EFNA5: variants seen among roughly 807,000 people sequenced by gnomAD.
EFNA5 encodes ephrin-A5.
A neutral mutation model predicts 22.9 loss-of-function variants in EFNA5; 5 were observed. That is an observed-to-expected ratio of 0.22 (90% confidence interval 0.11 to 0.46). EFNA5 has a LOEUF of 0.46. EFNA5 is among the 20% of genes least tolerant of loss of function. The pLI is 0.99. For synonymous variants in EFNA5, 113 were observed against 112.2 expected (o/e 1.01, Z -0.04); for missense variants, 237 against 293.3 (o/e 0.81, Z 1.40).
intron 1 of EFNA5, among the ~76,000 whole-genome samples, chr5:107,444,640 T>C (rs1234119586): frequency 1.3e-5 from 2 of 152,330 alleles, no homozygotes; most frequent in East Asian, 1.9e-4. Context: ...GAAATTAAAA[T>C]AGAAGCGCAA....
rs1580441214 is a variant in EFNA5 at position 107,422,581 on chromosome 5, G to T, written c.418+4636C>A. On this transcript the variant is annotated intron_variant, in intron 2 of 4. Coordinates refer to ENST00000333274, the MANE Select transcript of EFNA5 (RefSeq NM_001962.3). The stretch of plus-strand genomic sequence containing the variant: ...GAAGCCCAGGTAGAGGGACAATAAA[G>T]TCCCCAGGTCCCGATGTAGGAGTGT... Among the ~76,000 whole-genome samples the T allele has an allele frequency of 2.0e-5, 3 of 152,210 alleles. No individual in the cohort carries two copies. The South Asian group carries it at 6.2e-4, about 31-fold the overall frequency.
At chr5:107,430,774 C>CTTTTTTTTTTT (rs869266799) in intron 1 of EFNA5, among the ~76,000 whole-genome samples, 3 of 20,292 alleles carry the variant, frequency 1.5e-4, no homozygotes, top group African/African-American at 2.6e-4. Flanking sequence ...TTCTTTCTTT[C>CTTTTTTTTTTT]TTTTTTTTTT....
chr5:107,391,833 G>A (rs960413097), intron 2 of EFNA5, among the ~76,000 whole-genome samples: 15 of 152,134 alleles, frequency 9.9e-5, no homozygotes, highest in Non-Finnish European at 1.3e-4. Context: ...TGAAATACAA[G>A]CTGGAGACTC....
chr5:107,517,877 C>T (rs1316762289), intron 1 of EFNA5, among the ~76,000 whole-genome samples: 1 of 152,150 alleles, frequency 6.6e-6, no homozygotes, highest in Non-Finnish European at 1.5e-5. Context: ...TTTTTGTCTA[C>T]TCAATTGTCA....
At chr5:107,601,085 T>C (rs1345420766) in intron 1 of EFNA5, among the ~76,000 whole-genome samples, 2 of 152,158 alleles carry the variant, frequency 1.3e-5, no homozygotes, top group African/African-American at 4.8e-5. Context: ...GAACTCATCA[T>C]CCCTAGATGA....
At chr5:107,411,097 G>A (rs1036115278) in intron 2 of EFNA5, among the ~76,000 whole-genome samples, 1 of 152,072 alleles carries the variant, frequency 6.6e-6, no homozygotes, top group African/African-American at 2.4e-5. Context: ...AAAAATATAA[G>A]AGTACTAGAT....
In EFNA5 at chr5:107,380,730, T is replaced by G; in HGVS notation, c.*525A>C. 1 of 399,278 alleles carries G rather than the reference T, an allele frequency of 2.5e-6. No individual in the cohort carries two copies. The highest frequency in any genetic ancestry group is 4.4e-6 in the Non-Finnish European group (1 of 226,542). 24.7% of individuals were successfully genotyped at this position (399,278 alleles called of 1,614,324 possible). On this transcript the variant is annotated 3_prime_UTR_variant, in exon 5 of 5. Transcript: ENST00000333274. ...ATAGGAAATGGTGTAATATCGTATC[T>G]ATTCTTAATACCTCCCCTCCGGACC...
intron 1 of EFNA5, among the ~76,000 whole-genome samples, chr5:107,669,195 G>A (rs764161424): frequency 2.0e-5 from 3 of 151,966 alleles, no homozygotes; most frequent in Non-Finnish European, 4.4e-5. Flanking sequence ...AGGGCCCGCA[G>A]GAGATAGAAA....
intron 1 of EFNA5, among the ~76,000 whole-genome samples, chr5:107,565,018 G>A (rs975967250): frequency 2.0e-5 from 3 of 152,104 alleles, no homozygotes; most frequent in South Asian, 2.1e-4. Flanking sequence ...TCTAGCAAAC[G>A]TGAAGACCAA....
intron 1 of EFNA5, among the ~76,000 whole-genome samples, chr5:107,522,698 A>G (rs1454685577): frequency 6.6e-6 from 1 of 152,074 alleles, no homozygotes; most frequent in Non-Finnish European, 1.5e-5. Context: ...GCCTCTTTCT[A>G]ATTTTTCTGG....
intron 1 of EFNA5, among the ~76,000 whole-genome samples, chr5:107,655,697 C>T (rs1750805738): frequency 6.6e-6 from 1 of 152,082 alleles, no homozygotes; most frequent in African/African-American, 2.4e-5. Flanking sequence ...GGCATATTTG[C>T]TATCCATCTA....
At chr5:107,487,382 G>C (rs929043754) in intron 1 of EFNA5, among the ~76,000 whole-genome samples, 3 of 152,208 alleles carry the variant, frequency 2.0e-5, no homozygotes, top group African/African-American at 7.2e-5. Context: ...CCAATGGATA[G>C]TGAGTTGCTC....
At chr5:107,419,663 T>C (rs1297779881) in intron 2 of EFNA5, among the ~76,000 whole-genome samples, 1 of 152,200 alleles carries the variant, frequency 6.6e-6, no homozygotes, top group Non-Finnish European at 1.5e-5. Flanking sequence ...CACTCTTCTG[T>C]ATTAATACAA....
chr5:107,548,913 T>G (rs1748226891), intron 1 of EFNA5, among the ~76,000 whole-genome samples: 2 of 152,174 alleles, frequency 1.3e-5, no homozygotes, highest in South Asian at 2.1e-4. Flanking sequence ...CCCCAAACCC[T>G]CCAGTGTCTG....
intron 1 of EFNA5, among the ~76,000 whole-genome samples, chr5:107,566,336 T>C (rs1221564616): frequency 6.7e-6 from 1 of 149,890 alleles, no homozygotes; most frequent in Non-Finnish European, 1.5e-5. Context: ...ATTTGTGGCA[T>C]TCATGTGTCT....
chr5:107,385,708 G>T (rs997885068), intron 4 of EFNA5, among the ~76,000 whole-genome samples: 1 of 152,028 alleles, frequency 6.6e-6, no homozygotes, highest in African/African-American at 2.4e-5. Flanking sequence ...GGGAGATACT[G>T]AGTAACTTGC....
chr5:107,633,962 G>A (rs990917436), intron 1 of EFNA5, among the ~76,000 whole-genome samples: 4 of 152,140 alleles, frequency 2.6e-5, no homozygotes, highest in Middle Eastern at 3.4e-3. Flanking sequence ...AGAAAAAAAA[G>A]GGAAACAATT....
chr5:107,393,582 G>A (rs1289889113), intron 2 of EFNA5, among the ~76,000 whole-genome samples: 1 of 152,188 alleles, frequency 6.6e-6, no homozygotes, highest in Non-Finnish European at 1.5e-5. Flanking sequence ...AAATGAGTGT[G>A]TGGGGGAGCG....
rs190721116 is a variant in EFNA5, at chr5:107,420,045, G to C, written c.418+7172C>G. Reference sequence around the variant, plus strand: ...TCAATAAGAAAAACTATGTAAAAAAGGTGATTGGTGTGAACTGTCCAGAGC... The same window carrying C: ...TCAATAAGAAAAACTATGTAAAAAACGTGATTGGTGTGAACTGTCCAGAGC... On this transcript the variant is annotated intron_variant, in intron 2 of 4. Transcript: ENST00000333274. 3.5e-3 allele frequency among the ~76,000 whole-genome samples: 526 copies of C among 152,188 alleles called. 2 individuals are homozygous for C. Among genetic ancestry groups the C allele is most frequent in the Middle Eastern group, 0.014 (4 of 294 alleles).
Sources: allele counts gnomAD v4.1 joint callset (sites outside exome capture counted in the v4.1 genomes callset), GRCh38; gene constraint gnomAD v4.1.1; transcripts MANE v1.5; gene names NCBI Gene and HGNC (gene_info 2026-07-23, HGNC 2026-07-21).